Variants in COL12A1 observed in about 807,000 individuals in gnomAD.
COL12A1 encodes collagen type XII alpha 1 chain.
Under a neutral mutation model 349.7 loss-of-function variants are expected in COL12A1, and 114 were observed. The observed-to-expected ratio is 0.33, with a 90% CI of 0.28 to 0.38. The LOEUF (loss-of-function observed/expected upper bound fraction) is 0.38. COL12A1 is among the 10% of genes least tolerant of loss of function. The pLI is 1.00. For missense variants in COL12A1, 3,284 were observed against 3,756.9 expected (o/e 0.87, Z 3.29); for synonymous variants, 1,369 against 1,329.0 (o/e 1.03, Z -0.66).
intron 51 of COL12A1, among the ~76,000 whole-genome samples, chr6:75,109,704 T>C (rs1490179237): frequency 6.6e-6 from 1 of 152,110 alleles, no homozygotes; most frequent in African/African-American, 2.4e-5. Flanking sequence ...ATCGATAGAA[T>C]TCAGGATTCA....
intron 46 of COL12A1, 37 bp from the exon 47 acceptor site, chr6:75,117,583 CTT>C (rs1769150758): frequency 6.3e-7 from 1 of 1,594,644 alleles, no homozygotes; most frequent in African/African-American, 1.3e-5. Context: ...TCACGTATCT[CTT>C]TTTCTGTCCT....
rs761012841 is a variant in COL12A1 at position 75,156,381 on chromosome 6, C to G, written c.3126G>C (p.Lys1042Asn). ...CTGTCGAAGTGACTGTGGGGGGCAC[C>G]TTAGCAACCATTTGCTTCCCTCTCC... Reference protein sequence around the residue: ...PHGRGKQMVAKVPPTVTSTVL... With the variant: ...PHGRGKQMVANVPPTVTSTVL... Residue 1042 changes from lysine (K) to asparagine (N), a missense_variant, in exon 15 of 66, where the codon AAG becomes AAC. Lys to Asn is a moderately conservative substitution (Grantham distance 94). This residue lies in a region of COL12A1 where 2,601 missense variants were observed against 2,824.8 expected (regional missense o/e 0.92). Coordinates refer to ENST00000322507, the MANE Select transcript of COL12A1 (RefSeq NM_004370.6). 14 of 1,613,818 alleles carry G rather than the reference C, an allele frequency of 8.7e-6. No individual in the cohort carries two copies. The highest frequency in any genetic ancestry group is 1.7e-6 in the Non-Finnish European group (2 of 1,179,916).
chr6:75,166,037 GGAC>G (rs1562260920), intron 13 of COL12A1, among the ~76,000 whole-genome samples: 4 of 151,680 alleles, frequency 2.6e-5, no homozygotes, highest in Non-Finnish European at 5.9e-5. Flanking sequence ...TTGTCCTTCA[GGAC>G]AAGATTGACA....
rs1443512229 is a variant in COL12A1, at chr6:75,205,900, G to C, written c.-159C>G. 2.0e-5 allele frequency: 3 copies of C among 152,662 alleles called. No individual in the cohort carries two copies. Among genetic ancestry groups the C allele is most frequent in the African/African-American group, 7.2e-5 (3 of 41,478 alleles). The allele number at this position is 152,662 out of a possible 1,614,324, so 9.5% of individuals were successfully genotyped here. On this transcript the variant is annotated 5_prime_UTR_variant, in exon 1 of 66. Transcript: ENST00000322507. ...AGGCGCTGCACTCCAGGAGCACCTG[G>C]CGGCCGCCGAGGCGTGGGCAGCTGC...
In COL12A1 at chr6:75,102,031, C is replaced by CA; in HGVS notation, c.8436dup (p.Asp2813Ter). 6.2e-7 allele frequency: 1 copy of CA among 1,614,168 alleles called. No homozygotes were observed. The highest frequency in any genetic ancestry group is 8.5e-7 in the Non-Finnish European group (1 of 1,180,034). ...CCTGGAAGTCCTGGCTCTCCAGCAT[C>CA]ACCTTTCATCCCTTGGCGACCCTAG... is the stretch of plus-strand genomic sequence containing the variant. On this transcript the variant is annotated frameshift_variant, in exon 57 of 66. Coordinates refer to ENST00000322507, the MANE Select transcript of COL12A1 (RefSeq NM_004370.6). LOFTEE classifies it high-confidence loss of function.
intron 52 of COL12A1, among the ~76,000 whole-genome samples, chr6:75,108,540 G>A (rs907191110): frequency 6.6e-6 from 1 of 152,174 alleles, no homozygotes; most frequent in Non-Finnish European, 1.5e-5. Flanking sequence ...TCAGCTGGCT[G>A]CCCTACTCCA....
At chr6:75,181,607 T>C (rs1769296741) in intron 10 of COL12A1, among the ~76,000 whole-genome samples, 1 of 152,220 alleles carries the variant, frequency 6.6e-6, no homozygotes, top group African/African-American at 2.4e-5. Context: ...TATTAACCTT[T>C]GGTGGTTTGC....
At chr6:75,176,114 G>A (rs1768928266) in intron 12 of COL12A1, among the ~76,000 whole-genome samples, 1 of 152,216 alleles carries the variant, frequency 6.6e-6, no homozygotes, top group South Asian at 2.1e-4. Flanking sequence ...TTCACCAATG[G>A]AAGAGAGGAG....
At chr6:75,091,816 T>G (rs1767781918) in intron 60 of COL12A1, among the ~76,000 whole-genome samples, 1 of 151,790 alleles carries the variant, frequency 6.6e-6, no homozygotes, top group Non-Finnish European at 1.5e-5. Flanking sequence ...GCACACTTTT[T>G]ACAATGCAAT....
chr6:75,188,219 G>T, intron 8 of COL12A1, 143 bp downstream of exon 8: 1 of 828,156 alleles, frequency 1.2e-6, no homozygotes, highest in Non-Finnish European at 1.8e-6. Context: ...AAGTTGAGTT[G>T]CTAAAAAACA....
At chr6:75,156,993 T>G (rs2149425411) in intron 14 of COL12A1, among the ~76,000 whole-genome samples, 1 of 152,278 alleles carries the variant, frequency 6.6e-6, no homozygotes, top group East Asian at 1.9e-4. Context: ...ACCATTCTTA[T>G]GATTGCCACG....
chr6:75,134,951 C>A lies in COL12A1; in HGVS notation c.5395-96G>T. Reference sequence around the variant, plus strand: ...CTTTCTACAGGGAAGCTGTTTGAGACCCTTGTCAAGTTCCAGAATTACATA... The same window carrying A: ...CTTTCTACAGGGAAGCTGTTTGAGAACCTTGTCAAGTTCCAGAATTACATA... On this transcript the variant is annotated intron_variant, in intron 31 of 65. Coordinates refer to ENST00000322507, the MANE Select transcript of COL12A1 (RefSeq NM_004370.6). The A allele has an allele frequency of 3.0e-6, 4 of 1,334,696 alleles. No homozygotes were observed. In the Middle Eastern group the frequency reaches 6.0e-4, roughly 199 times the overall value. 82.7% of individuals were successfully genotyped at this position (1,334,696 alleles called of 1,614,324 possible). A position where few individuals can be genotyped will look rare whatever the true frequency, so the allele number is the denominator to read the frequency against.
intron 14 of COL12A1, among the ~76,000 whole-genome samples, chr6:75,162,151 A>C (rs1184529908): frequency 6.6e-6 from 1 of 152,176 alleles, no homozygotes; most frequent in East Asian, 1.9e-4. Flanking sequence ...AAAAAACTAC[A>C]TTAAATTTCA....
At chr6:75,184,349 C>A (rs1048966965) in intron 8 of COL12A1, among the ~76,000 whole-genome samples, 1 of 152,164 alleles carries the variant, frequency 6.6e-6, no homozygotes, top group African/African-American at 2.4e-5. Context: ...AGTCAAATTG[C>A]TGAGAAGTTA....
intron 2 of COL12A1, among the ~76,000 whole-genome samples, chr6:75,199,653 A>T (rs1482494638): frequency 2.0e-5 from 3 of 152,186 alleles, no homozygotes; most frequent in Non-Finnish European, 4.4e-5. Flanking sequence ...ATCATACATG[A>T]ACCAAAAATA....
At chr6:75,133,744 G>T in intron 33 of COL12A1, 114 bp downstream of exon 33, 3 of 1,194,698 alleles carry the variant, frequency 2.5e-6, no homozygotes, top group African/African-American at 1.5e-5. Context: ...CTTATTAAAT[G>T]AATATGAAAT....
At position 75,130,084 on chromosome 6, in the gene COL12A1, G is replaced by T; in HGVS notation, c.6210+7C>A. Reference sequence around the variant, plus strand: ...AAAATGTGCCAATAAATGAGTATCAGACTTACATATTCATCAATTGGATCA... The same window carrying T: ...AAAATGTGCCAATAAATGAGTATCATACTTACATATTCATCAATTGGATCA... On this transcript the variant is annotated splice_region_variant and intron_variant, in intron 37 of 65. Transcript: ENST00000322507. 1 of 1,612,238 alleles carries T rather than the reference G, an allele frequency of 6.2e-7. No individual in the cohort carries two copies. The highest frequency in any genetic ancestry group is 8.5e-7 in the Non-Finnish European group (1 of 1,179,470).
At chr6:75,127,793 T>C (rs192733622) in intron 38 of COL12A1, among the ~76,000 whole-genome samples, 106 of 152,280 alleles carry the variant, frequency 7.0e-4, no homozygotes, top group East Asian at 6.9e-3. Context: ...GTCTGAACAT[T>C]GATAATTCTA....
At position 75,091,491 on chromosome 6, in the gene COL12A1, C is replaced by T; in HGVS notation, c.8684G>A (p.Arg2895Lys). ...GTAAGATTTTTTAAAAATACATACC[C>T]TATCACCTTTTTCTCCTTTCAACCC... Reference protein sequence around the residue: ...PSGLKGEKGDRGDIASQNMMR... With the variant: ...PSGLKGEKGDKGDIASQNMMR... Residue 2895 changes from arginine (R) to lysine (K), a missense_variant and splice_region_variant, in exon 61 of 66, where the codon AGG becomes AAG. Transcript: ENST00000322507. 2 of 1,612,832 alleles carry T rather than the reference C, an allele frequency of 1.2e-6. No homozygotes were observed. Among genetic ancestry groups the T allele is most frequent in the Non-Finnish European group, 1.7e-6 (2 of 1,179,714 alleles).
Sources: gnomAD v4.1 joint callset for allele counts (sites outside exome capture counted in the v4.1 genomes callset) on GRCh38, gnomAD v4.1.1 for gene constraint, gnomAD v4.1.1 regional missense constraint, MANE v1.5 for transcripts, NCBI Gene and HGNC (gene_info 2026-07-23, HGNC 2026-07-21) for gene names.